The following UNC13B variants were observed in gnomAD, a reference collection of about 807,000 sequenced individuals.
The protein encoded by UNC13B is unc-13 homolog B.
In UNC13B, 144 loss-of-function variants were observed where a neutral mutation model predicts 211.0. The ratio of observed to expected loss-of-function variants is 0.68; its 90% CI spans 0.60 to 0.78. UNC13B has a LOEUF of 0.78. UNC13B is among the 30% of genes least tolerant of loss of function. The pLI, the probability that UNC13B is intolerant of heterozygous loss-of-function variation, is 0.00. For missense variants in UNC13B, 1,777 were observed against 2,002.0 expected, an observed-to-expected ratio of 0.89 and a Z score of 2.14; for synonymous variants, 709 against 725.8, an observed-to-expected ratio of 0.98 and a Z score of 0.37.
chr9:35,401,907 G>C (rs145642556), intron 37 of UNC13B: 7 of 1,534,280 alleles, frequency 4.6e-6, no homozygotes, highest in East Asian at 4.9e-5. Flanking sequence ...TTCTTTCTCT[G>C]TTCTGCTGCT....
chr9:35,203,111 A>T (rs141091734), intron 1 of UNC13B, among the ~76,000 whole-genome samples: 1,759 of 152,024 alleles, frequency 0.012, 33 homozygotes, highest in African/African-American at 0.039. Flanking sequence ...CTCTTATCCA[A>T]TTTGCCAGTC....
At chr9:35,317,636 T>G (rs1243617728) in intron 11 of UNC13B, among the ~76,000 whole-genome samples, 2 of 150,584 alleles carry the variant, frequency 1.3e-5, no homozygotes, top group Non-Finnish European at 3.0e-5. Flanking sequence ...AGTTCTCATG[T>G]CTCAGCCTCC....
At chr9:35,288,374 T>G (rs1242041245) in intron 7 of UNC13B, among the ~76,000 whole-genome samples, 1 of 152,230 alleles carries the variant, frequency 6.6e-6, no homozygotes, top group Admixed American at 6.5e-5. Context: ...AGACCCATAG[T>G]CATTAGGTTC....
chr9:35,198,237 G>T (rs1823055305), intron 1 of UNC13B, among the ~76,000 whole-genome samples: 1 of 152,236 alleles, frequency 6.6e-6, no homozygotes, highest in South Asian at 2.1e-4. Context: ...TCATGAATAG[G>T]TCAGCACCAT....
At chr9:35,251,445 G>T (rs1826482699) in intron 6 of UNC13B, among the ~76,000 whole-genome samples, 1 of 152,200 alleles carries the variant, frequency 6.6e-6, no homozygotes, top group East Asian at 1.9e-4. Context: ...AAATTAGCTT[G>T]GCGTGGTGGT....
chr9:35,337,090 G>T (rs1463449178), intron 11 of UNC13B, among the ~76,000 whole-genome samples: 2 of 151,164 alleles, frequency 1.3e-5, no homozygotes, highest in Admixed American at 6.6e-5. Flanking sequence ...AAAGAACTAG[G>T]ACTTTTTTTT....
Position 35,162,144 on chromosome 9 carries a change from A to G in UNC13B, c.-140A>G. 7.6e-7 allele frequency: 1 copy of G among 1,315,010 alleles called. No individual in the cohort carries two copies. The highest frequency in any genetic ancestry group is 1.3e-5 in the South Asian group (1 of 77,382). The allele number at this position is 1,315,010 out of a possible 1,614,324, so 81.5% of individuals were successfully genotyped here. On this transcript the variant is annotated 5_prime_UTR_variant, in exon 1 of 40. Transcript: ENST00000635942. ...GGGGCGGGTCCGAGGCAGCGGCGGG[A>G]CGCTACCTGCGACCGGGACCATGAG...
intron 24 of UNC13B, among the ~76,000 whole-genome samples, chr9:35,388,974 A>G (rs143013910): frequency 1.1e-3 from 163 of 152,288 alleles, no homozygotes; most frequent in African/African-American, 3.8e-3. Context: ...TATTTAAGTT[A>G]TATTAAAGAT....
At chr9:35,208,817 C>T (rs1213835320) in intron 1 of UNC13B, among the ~76,000 whole-genome samples, 1 of 152,106 alleles carries the variant, frequency 6.6e-6, no homozygotes, top group Non-Finnish European at 1.5e-5. Context: ...TGGGTGGGGA[C>T]ACAAATCGAA....
intron 1 of UNC13B, among the ~76,000 whole-genome samples, chr9:35,202,335 C>T (rs1474331330): frequency 6.6e-6 from 1 of 152,120 alleles, no homozygotes; most frequent in Non-Finnish European, 1.5e-5. Context: ...GTGGAGAATT[C>T]TGTAGACGTC....
chr9:35,403,316 T>A, intron 38 of UNC13B, 57 bp downstream of exon 38: 1 of 1,605,252 alleles, frequency 6.2e-7, no homozygotes, highest in Non-Finnish European at 8.5e-7. Context: ...CACTCATCAC[T>A]CAAAAGCAGG....
intron 1 of UNC13B, among the ~76,000 whole-genome samples, chr9:35,202,426 G>T (rs1356941798): frequency 3.3e-5 from 5 of 152,142 alleles, no homozygotes; most frequent in African/African-American, 1.2e-4. Flanking sequence ...GTCTCATTGA[G>T]CTGTCTAACG....
At chr9:35,169,583 C>T (rs763289120) in intron 1 of UNC13B, among the ~76,000 whole-genome samples, 1 of 152,210 alleles carries the variant, frequency 6.6e-6, no homozygotes, top group African/African-American at 2.4e-5. Context: ...TCAGCTAACT[C>T]CTTTTTGCTG....
chr9:35,208,362 G>A (rs1400670368), intron 1 of UNC13B, among the ~76,000 whole-genome samples: 3 of 152,160 alleles, frequency 2.0e-5, no homozygotes, highest in African/African-American at 7.2e-5. Context: ...TAGGGAGGGG[G>A]CACAATCTGA....
chr9:35,283,825 G>A (rs1361989459), intron 7 of UNC13B, among the ~76,000 whole-genome samples: 2 of 152,088 alleles, frequency 1.3e-5, no homozygotes, highest in Non-Finnish European at 2.9e-5. Flanking sequence ...GGCTCTCTGG[G>A]GAAAGAGTGT....
chr9:35,376,030 A>G lies in UNC13B; in HGVS notation c.9618A>G (p.Lys3206=). The G allele has an allele frequency of 6.2e-7, 1 of 1,614,158 alleles. No homozygotes were observed. Among genetic ancestry groups the G allele is most frequent in the Middle Eastern group, 1.6e-4 (1 of 6,062 alleles). Residue 3206 remains lysine (K), a splice_region_variant and synonymous_variant, in exon 15 of 40, where the codon AAA becomes AAG. Transcript: ENST00000635942. ...TRTSLKDEEL[K]SHVYKKTLQA... is the part of the protein sequence containing the mutation. ...GGGATGGGGTATGTGTCTTTCAGAA[A>G]TCCCACGTGTATAAGAAAACCCTGC... is the stretch of plus-strand genomic sequence containing the variant.
At chr9:35,357,139 C>A (rs568332009) in intron 11 of UNC13B, among the ~76,000 whole-genome samples, 3 of 152,260 alleles carry the variant, frequency 2.0e-5, no homozygotes, top group Non-Finnish European at 4.4e-5. Context: ...ATTCTGTTTA[C>A]CATTTGAGGA....
intron 11 of UNC13B, among the ~76,000 whole-genome samples, chr9:35,366,275 G>T (rs930760619): frequency 6.6e-6 from 1 of 152,160 alleles, no homozygotes; most frequent in Non-Finnish European, 1.5e-5. Context: ...CCTTTAAAAG[G>T]TGATTTTTGA....
chr9:35,335,069 G>A (rs974833528), intron 11 of UNC13B, among the ~76,000 whole-genome samples: 22 of 152,170 alleles, frequency 1.4e-4, no homozygotes, highest in African/African-American at 5.1e-4. Context: ...AAATTAAGTG[G>A]TATTACACGG....
Sources: allele counts gnomAD v4.1 joint callset (sites outside exome capture counted in the v4.1 genomes callset), GRCh38; gene constraint gnomAD v4.1.1; transcripts MANE v1.5; gene names NCBI Gene and HGNC (gene_info 2026-07-23, HGNC 2026-07-21).